CPPED1: variants seen among roughly 807,000 people sequenced by gnomAD.
CPPED1 encodes the protein calcineurin like phosphoesterase domain containing 1, also known as serine/threonine-protein phosphatase CPPED1.
CPPED1 carries 28 observed loss-of-function variants against 28.0 expected under a neutral mutation model. The ratio of observed to expected loss-of-function variants is 1.00; its 90% CI spans 0.74 to 1.37. The LOEUF (loss-of-function observed/expected upper bound fraction) is 1.37. CPPED1 is among the 40% of genes most tolerant of loss of function. CPPED1 has a pLI of 0.00. For missense variants in CPPED1, 504 were observed against 416.5 expected, an observed-to-expected ratio of 1.21 and a Z score of -1.83; for synonymous variants, 198 against 180.2, an observed-to-expected ratio of 1.10 and a Z score of -0.79.
At chr16:12,704,578 C>T (rs753037267) in intron 3 of CPPED1, 46 bp downstream of exon 3, 1 of 1,560,242 alleles carries the variant, frequency 6.4e-7, no homozygotes, top group Non-Finnish European at 8.7e-7. Flanking sequence ...AATGCCCTCT[C>T]TAGACTTGTC....
At chr16:12,785,975 T>C (rs2080560748) in intron 1 of CPPED1, among the ~76,000 whole-genome samples, 1 of 151,632 alleles carries the variant, frequency 6.6e-6, no homozygotes, top group Admixed American at 6.6e-5. Context: ...GGGGTCCAGT[T>C]TTTTCCCCCT....
chr16:12,692,602 G>A (rs148554455), intron 3 of CPPED1, among the ~76,000 whole-genome samples: 6 of 152,206 alleles, frequency 3.9e-5, no homozygotes, highest in South Asian at 4.2e-4. Flanking sequence ...TATGTCTGTC[G>A]GCAAAACGGA....
At chr16:12,686,804 T>C (rs1033652405) in intron 3 of CPPED1, among the ~76,000 whole-genome samples, 3 of 152,154 alleles carry the variant, frequency 2.0e-5, no homozygotes, top group Non-Finnish European at 4.4e-5. Flanking sequence ...AATCTCTTCC[T>C]CCCTTTGATT....
At chr16:12,722,237 G>C (rs1445728070) in intron 2 of CPPED1, among the ~76,000 whole-genome samples, 1 of 152,180 alleles carries the variant, frequency 6.6e-6, no homozygotes, top group Non-Finnish European at 1.5e-5. Context: ...CTCATTCGGG[G>C]TGGCAGCGAG....
chr16:12,756,775 A>G (rs2080372081), intron 2 of CPPED1, among the ~76,000 whole-genome samples: 1 of 152,190 alleles, frequency 6.6e-6, no homozygotes, highest in South Asian at 2.1e-4. Context: ...AGCCAGCAAA[A>G]TGATAAATCA....
chr16:12,768,620 T>C (rs2080452559), intron 2 of CPPED1, among the ~76,000 whole-genome samples: 1 of 152,214 alleles, frequency 6.6e-6, no homozygotes, highest in Admixed American at 6.5e-5. Context: ...GTGTGGGCTC[T>C]TATTCTGGGG....
chr16:12,683,470 T>C (rs2079916434), intron 3 of CPPED1, among the ~76,000 whole-genome samples: 1 of 152,160 alleles, frequency 6.6e-6, no homozygotes, highest in South Asian at 2.1e-4. Flanking sequence ...AAATTCAGAA[T>C]CATTTCCCAG....
At chr16:12,723,138 G>A (rs1048546053) in intron 2 of CPPED1, among the ~76,000 whole-genome samples, 5 of 152,068 alleles carry the variant, frequency 3.3e-5, no homozygotes, top group Non-Finnish European at 4.4e-5. Context: ...ACATGCACAC[G>A]CATGTACACA....
intron 2 of CPPED1, among the ~76,000 whole-genome samples, chr16:12,765,352 C>T (rs964574534): frequency 6.6e-6 from 1 of 152,210 alleles, no homozygotes; most frequent in Non-Finnish European, 1.5e-5. Flanking sequence ...TTGCAGCTAA[C>T]AGCTACAGCT....
chr16:12,771,751 T>G (rs896582988), intron 2 of CPPED1, among the ~76,000 whole-genome samples: 2 of 152,240 alleles, frequency 1.3e-5, no homozygotes, highest in African/African-American at 4.8e-5. Flanking sequence ...ATTCTTTGCC[T>G]GAAGCCCAGC....
chr16:12,680,847 T>C (rs1035839510), intron 3 of CPPED1, among the ~76,000 whole-genome samples: 1 of 152,070 alleles, frequency 6.6e-6, no homozygotes, highest in African/African-American at 2.4e-5. Context: ...GAAACCTGGG[T>C]TCAAGCCTCA....
At chr16:12,793,852 C>T (rs1313450990) in intron 1 of CPPED1, among the ~76,000 whole-genome samples, 3 of 152,164 alleles carry the variant, frequency 2.0e-5, no homozygotes, top group African/African-American at 7.2e-5. Flanking sequence ...GTGGATATTG[C>T]TTTGGTTATA....
chr16:12,673,330 C>T (rs1375495918), intron 3 of CPPED1, among the ~76,000 whole-genome samples: 2 of 152,170 alleles, frequency 1.3e-5, no homozygotes, highest in Admixed American at 6.5e-5. Flanking sequence ...GAACGCTGAA[C>T]GGCTGGACAG....
intron 2 of CPPED1, among the ~76,000 whole-genome samples, chr16:12,739,010 G>A (rs1335459123): frequency 6.6e-6 from 1 of 152,200 alleles, no homozygotes; most frequent in African/African-American, 2.4e-5. Context: ...GGTGAAGGGT[G>A]AGTGGGTTTG....
rs896988108 is a variant in CPPED1 at position 12,682,808 on chromosome 16, T to G, written c.716-17693A>C. Among the ~76,000 whole-genome samples, 4 of 152,262 alleles carry G rather than the reference T, an allele frequency of 2.6e-5. No individual in the cohort carries two copies. Among genetic ancestry groups the G allele is most frequent in the African/African-American group, 9.6e-5 (4 of 41,464 alleles). On this transcript the variant is annotated intron_variant, in intron 3 of 3. Transcript: ENST00000381774. This position sits in a 1 kb window ranked among gnomAD's most constrained non-coding sequence, Gnocchi z 6.1. ...TACATCTTTCTCACTATTCATAATT[T>G]CCTCTTTATTTTTAAAAGAAGATGG... is the stretch of plus-strand genomic sequence containing the variant.
At position 12,743,494 on chromosome 16, in the gene CPPED1, T is replaced by TA. The variant is rs1161005340; in HGVS notation, c.289+37690dup. ...GGACAAAGTGGACTACGTTAAAACTTAAAAATTCTGTTCATTGAAACAATG... is the reference window on the plus strand; with the variant it reads ...GGACAAAGTGGACTACGTTAAAACTTAAAAAATTCTGTTCATTGAAACAATG... On this transcript the variant is annotated intron_variant, in intron 2 of 3. Coordinates refer to ENST00000381774, the MANE Select transcript of CPPED1 (RefSeq NM_018340.3). Among the ~76,000 whole-genome samples, 12 of 152,210 alleles carry TA rather than the reference T, an allele frequency of 7.9e-5. No individual in the cohort carries two copies. In the South Asian group the frequency reaches 2.5e-3, roughly 32 times the overall value.
intron 3 of CPPED1, among the ~76,000 whole-genome samples, chr16:12,698,351 T>C (rs2080003019): frequency 1.3e-5 from 2 of 152,198 alleles, no homozygotes; most frequent in Admixed American, 1.3e-4. Flanking sequence ...GCGCAAAGGA[T>C]GTCAGAGCAG....
chr16:12,705,416 G>C (rs1308475393), intron 2 of CPPED1, among the ~76,000 whole-genome samples: 4 of 152,082 alleles, frequency 2.6e-5, no homozygotes, highest in African/African-American at 9.7e-5. Context: ...TTGAGCCCAG[G>C]AATTATGAGA....
chr16:12,662,642 T>C lies in CPPED1; in HGVS notation c.*2244A>G, dbSNP rs2079801857. On this transcript the variant is annotated 3_prime_UTR_variant, in exon 4 of 4. Coordinates refer to ENST00000381774, the MANE Select transcript of CPPED1 (RefSeq NM_018340.3). ...TGAGAACATGAAGTATTCGACTTTC[T>C]ACTTCTAAGTTATTTCACTTAAGAT... 1 of 151,706 alleles carries C rather than the reference T, an allele frequency of 6.6e-6. No homozygotes were observed. The highest frequency in any genetic ancestry group is 2.4e-5 in the African/African-American group (1 of 40,976). The allele number at this position is 151,706 out of a possible 1,614,324, so 9.4% of individuals were successfully genotyped here. A position where few individuals can be genotyped will look rare whatever the true frequency, so the allele number is the denominator to read the frequency against.
Sources: allele counts gnomAD v4.1 joint callset (sites outside exome capture counted in the v4.1 genomes callset), GRCh38; gene constraint gnomAD v4.1.1; non-coding constraint Gnocchi (gnomAD v3.1); transcripts MANE v1.5; gene names NCBI Gene and HGNC (gene_info 2026-07-23, HGNC 2026-07-21).